Variants in DUOX1 observed in about 807,000 individuals in gnomAD.
The protein encoded by DUOX1 is NADPH thyroid oxidase 1.
A neutral mutation model predicts 181.8 loss-of-function variants in DUOX1; 134 were observed. The observed-to-expected ratio is 0.74, with a 90% CI of 0.64 to 0.85. The LOEUF is 0.85. DUOX1 is among the 40% of genes least tolerant of loss of function. DUOX1 has a pLI of 0.00. For missense variants in DUOX1, 1,814 were observed against 2,064.4 expected (o/e 0.88, Z 2.35); for synonymous variants, 798 against 832.5 (o/e 0.96, Z 0.71).
intron 9 of DUOX1, 121 bp downstream of exon 9, chr15:45,136,746 C>T (rs1896329151): frequency 5.7e-6 from 5 of 869,848 alleles, no homozygotes; most frequent in South Asian, 1.6e-5. Context: ...AGGGAAAGAC[C>T]GATAGAGAGG....
At chr15:45,163,345 T>C (rs1438956752) in intron 31 of DUOX1, among the ~76,000 whole-genome samples, 187 bp from the exon 32 acceptor site, 2 of 152,192 alleles carry the variant, frequency 1.3e-5, no homozygotes, top group Non-Finnish European at 2.9e-5. Flanking sequence ...CACCTCTCTA[T>C]GCCCTGGGCC....
chr15:45,164,653 A>G (rs1377815707), intron 33 of DUOX1, 126 bp from the exon 34 acceptor site: 1 of 1,018,040 alleles, frequency 9.8e-7, no homozygotes. Context: ...TAAAAAAATT[A>G]GAGTCAGGGA....
intron 9 of DUOX1, among the ~76,000 whole-genome samples, chr15:45,136,957 CAG>C (rs1222401900): frequency 6.6e-6 from 1 of 152,070 alleles, no homozygotes; most frequent in Non-Finnish European, 1.5e-5. Flanking sequence ...GCTATAATCA[CAG>C]AGCCCAGGGC....
chr15:45,163,728 T>C, intron 32 of DUOX1, 41 bp downstream of exon 32: 1 of 1,613,808 alleles, frequency 6.2e-7, no homozygotes, highest in Non-Finnish European at 8.5e-7. Context: ...GGCCACTGTC[T>C]GAGCTAGGAA....
rs772812512 is a variant in DUOX1 at position 45,144,922 on chromosome 15, C to T, written c.2164C>T (p.Arg722Trp). ...LVLLFNLEEE[R>W]QALVENLRGA... ...GCTGCTGTTTAACTTGGAGGAAGAG[C>T]GGCAGGCGCTGGTGGAAAATCTCCG... The change falls in exon 18 of 34, where the codon CGG becomes TGG. Residue 722 changes from arginine (R) to tryptophan (W), a missense_variant. By Grantham distance (101) the Arg-to-Trp change is moderately radical (BLOSUM62 -3). Coordinates refer to ENST00000389037, the MANE Select transcript of DUOX1 (RefSeq NM_175940.3). The T allele has an allele frequency of 2.2e-5, 35 of 1,611,920 alleles. No individual in the cohort carries two copies. The highest frequency in any genetic ancestry group is 1.7e-4 in the Middle Eastern group (1 of 5,800).
At chr15:45,138,126 C>A (rs1373392851) in intron 10 of DUOX1, 112 bp downstream of exon 10, 5 of 747,186 alleles carry the variant, frequency 6.7e-6, no homozygotes, top group Non-Finnish European at 9.6e-6. Context: ...TGAAAGTGGT[C>A]AGTAAGGCTG....
In DUOX1 at chr15:45,145,535, C is replaced by A. The variant is rs190296402; in HGVS notation, c.2322+455C>A. On this transcript the variant is annotated intron_variant, in intron 18 of 33. Transcript: ENST00000389037. Reference sequence around the variant, plus strand: ...ACTGGGAGGATATAGGGAAACAAGACAAAAATGCAGAGACTTGAGTCCACA... The same window carrying A: ...ACTGGGAGGATATAGGGAAACAAGAAAAAAATGCAGAGACTTGAGTCCACA... Among the ~76,000 whole-genome samples, 501 of 152,266 alleles carry A rather than the reference C, an allele frequency of 3.3e-3. 2 individuals carry two copies. Among genetic ancestry groups the A allele is most frequent in the African/African-American group, 0.012 (486 of 41,552 alleles).
chr15:45,136,626 G>T lies in DUOX1; in HGVS notation c.1022+1G>T, dbSNP rs369560581. On this transcript the variant is annotated splice_donor_variant, in intron 9 of 33. Transcript: ENST00000389037. LOFTEE classifies it high-confidence loss of function. Reference sequence around the variant, plus strand: ...TGGTGCCCCCTGGCGTCTACATGAGGTGAGGGAGGGGCTCAAAGGTGTGTG... The same window carrying T: ...TGGTGCCCCCTGGCGTCTACATGAGTTGAGGGAGGGGCTCAAAGGTGTGTG... 2 of 1,613,896 alleles carry T rather than the reference G, an allele frequency of 1.2e-6. No homozygotes were observed. The highest frequency in any genetic ancestry group is 1.7e-6 in the Non-Finnish European group (2 of 1,179,996).
intron 11 of DUOX1, 77 bp downstream of exon 11, chr15:45,139,245 G>C: frequency 6.2e-7 from 1 of 1,609,154 alleles, no homozygotes; most frequent in South Asian, 1.1e-5. Context: ...CCAGAACCAG[G>C]TATGAGGGGG....
intron 13 of DUOX1, 90 bp from the exon 14 acceptor site, chr15:45,141,202 T>C: frequency 1.9e-6 from 3 of 1,564,532 alleles, no homozygotes; most frequent in Non-Finnish European, 2.6e-6. Context: ...CACCTCTGGG[T>C]CTCTTTTCTC....
In DUOX1 at chr15:45,141,041, C is replaced by A; in HGVS notation, c.1536C>A (p.Asp512Glu). The A allele has an allele frequency of 6.2e-7, 1 of 1,614,234 alleles. No homozygotes were observed. The highest frequency in any genetic ancestry group is 1.6e-4 in the Middle Eastern group (1 of 6,062). Residue 512 changes from aspartate (D) to glutamate (E), a missense_variant, in exon 13 of 34, where the codon GAC becomes GAA. Asp to Glu is a conservative substitution (Grantham distance 45, BLOSUM62 2). Coordinates refer to ENST00000389037, the MANE Select transcript of DUOX1 (RefSeq NM_175940.3). Reference sequence around the variant, plus strand: ...AATTTGTGCGGCTACGGGATGGTGACCGCTACTGGTTTGAGAACACCAGGA... The same window carrying A: ...AATTTGTGCGGCTACGGGATGGTGAACGCTACTGGTTTGAGAACACCAGGA... ...LEQFVRLRDG[D>E]RYWFENTRNG...
At position 45,135,410 on chromosome 15, in the gene DUOX1, G is replaced by A. The variant is rs1896275876; in HGVS notation, c.496-64G>A. On this transcript the variant is annotated intron_variant, in intron 5 of 33. Coordinates refer to ENST00000389037, the MANE Select transcript of DUOX1 (RefSeq NM_175940.3). ...CTCCCCAGCCGCGGACACCCGCCGG[G>A]CCCCGGCCTTCCCTAGCTCGCCGCC... 4 of 1,516,210 alleles carry A rather than the reference G, an allele frequency of 2.6e-6. No homozygotes were observed. The South Asian group carries it at 3.8e-5, about 14-fold the overall frequency. 93.9% of individuals were successfully genotyped at this position (1,516,210 alleles called of 1,614,324 possible). A position where few individuals can be genotyped will look rare whatever the true frequency, so the allele number is the denominator to read the frequency against.
rs1442492300 is a variant in DUOX1 at position 45,135,249 on chromosome 15, G to A, written c.453G>A (p.Trp151Ter). The change falls in exon 5 of 34, where the codon TGG (tryptophan) becomes TGA (stop). Residue 151 changes from tryptophan to a stop codon, truncating the protein, a stop_gained. Transcript: ENST00000389037. LOFTEE classifies it high-confidence loss of function. ...DVVLPFQRSRWDPETGRSPSN... is the reference protein window; with the variant it reads ...DVVLPFQRSR ...TGCTGCCCTTCCAGAGAAGCCGCTG[G>A]GACCCCGAGACCGGACGGAGTCCCA... 6.2e-7 allele frequency: 1 copy of A among 1,613,000 alleles called. No homozygotes were observed. The highest frequency in any genetic ancestry group is 1.3e-5 in the African/African-American group (1 of 74,910).
At chr15:45,162,011 C>A (rs771523585) in intron 30 of DUOX1, 41 bp downstream of exon 30, 3 of 1,560,702 alleles carry the variant, frequency 1.9e-6, no homozygotes, top group Non-Finnish European at 1.7e-6. Context: ...CGCCCATATC[C>A]CCTTTGAAGG....
chr15:45,145,839 T>A (rs1210743723), intron 18 of DUOX1, among the ~76,000 whole-genome samples: 1 of 149,944 alleles, frequency 6.7e-6, no homozygotes, highest in Non-Finnish European at 1.5e-5. Flanking sequence ...CACTTGAACC[T>A]GGGAGGCAGA....
Position 45,153,365 on chromosome 15 carries a change from T to A in DUOX1, c.3425-15T>A. On this transcript the variant is annotated splice_polypyrimidine_tract_variant and intron_variant, in intron 25 of 33. Coordinates refer to ENST00000389037, the MANE Select transcript of DUOX1 (RefSeq NM_175940.3). The stretch of plus-strand genomic sequence containing the variant: ...GGGCTGCCCCAAGCTCACCACTTGG[T>A]CTGCTCTTCCTTAGTCTTACACAGT... 1.9e-6 allele frequency: 3 copies of A among 1,612,666 alleles called. No individual in the cohort carries two copies. Among genetic ancestry groups the A allele is most frequent in the Non-Finnish European group, 1.7e-6 (2 of 1,178,780 alleles).
In DUOX1 at chr15:45,164,734, G is replaced by C. The variant is rs1208295097; in HGVS notation, c.4534-45G>C. On this transcript the variant is annotated intron_variant, in intron 33 of 33. Coordinates refer to ENST00000389037, the MANE Select transcript of DUOX1 (RefSeq NM_175940.3). ...TTCCTCTGAACACTGCGTTATCCCT[G>C]CCTCTGAGCAAAGAGTTAGCCTCCA... The C allele has an allele frequency of 1.9e-6, 3 of 1,613,416 alleles. No homozygotes were observed. In the East Asian group the frequency reaches 6.7e-5, roughly 36 times the overall value.
chr15:45,161,936 C>T lies in DUOX1; in HGVS notation c.4055C>T (p.Ala1352Val). The change falls in exon 30 of 34, where the codon GCC (alanine) becomes GTC (valine). Residue 1352 changes from alanine (A) to valine (V), a missense_variant. Coordinates refer to ENST00000389037, the MANE Select transcript of DUOX1 (RefSeq NM_175940.3). ...ACTCGCCTCAGGGAGATCTACTCAG[C>T]CCCGACGGGTGACAGATGTGCCAGA... The part of the protein sequence containing the change: ...WTTRLREIYS[A>V]PTGDRCARYP... 6.2e-7 allele frequency: 1 copy of T among 1,613,870 alleles called. No homozygotes were observed. The highest frequency in any genetic ancestry group is 8.5e-7 in the Non-Finnish European group (1 of 1,179,928).
intron 15 of DUOX1, 87 bp downstream of exon 15, chr15:45,142,199 G>A (rs928966348): frequency 3.1e-5 from 45 of 1,433,826 alleles, no homozygotes; most frequent in Non-Finnish European, 3.9e-5. Flanking sequence ...AACAAACCAC[G>A]CAAACCACAC....
Sources: allele counts gnomAD v4.1 joint callset (sites outside exome capture counted in the v4.1 genomes callset), GRCh38; gene constraint gnomAD v4.1.1; transcripts MANE v1.5; gene names NCBI Gene and HGNC (gene_info 2026-07-23, HGNC 2026-07-21).